SPATA17: variants seen among roughly 807,000 people sequenced by gnomAD.
SPATA17 encodes the protein spermatogenesis associated 17.
A neutral mutation model predicts 62.2 loss-of-function variants in SPATA17; 53 were observed. That is an observed-to-expected ratio of 0.85 (90% CI 0.68 to 1.07). The LOEUF (loss-of-function observed/expected upper bound fraction) is 1.07. SPATA17 is among the 50% of genes least tolerant of loss of function. SPATA17 has a pLI of 0.00. For missense variants in SPATA17, 466 were observed against 425.5 expected (o/e 1.10, Z -0.84); for synonymous variants, 146 against 146.8 (o/e 0.99, Z 0.04).
intron 8 of SPATA17, among the ~76,000 whole-genome samples, chr1:217,792,779 G>A (rs1224137215): frequency 6.6e-6 from 1 of 151,786 alleles, no homozygotes; most frequent in African/African-American, 2.4e-5. Context: ...ATCAAATACA[G>A]TTTTTTTTGT....
chr1:217,765,166 T>A (rs1324390057), intron 6 of SPATA17, among the ~76,000 whole-genome samples: 1 of 151,940 alleles, frequency 6.6e-6, no homozygotes, highest in Non-Finnish European at 1.5e-5. Flanking sequence ...TTCCTTTTTT[T>A]TTGTTTGCCT....
intron 6 of SPATA17, among the ~76,000 whole-genome samples, chr1:217,749,567 G>A (rs1348384926): frequency 6.6e-6 from 1 of 151,654 alleles, no homozygotes; most frequent in Non-Finnish European, 1.5e-5. Flanking sequence ...TTCTGTTTTT[G>A]CTATCGTCTT....
intron 5 of SPATA17, among the ~76,000 whole-genome samples, chr1:217,726,419 T>A (rs1384771071): frequency 1.3e-5 from 2 of 152,206 alleles, no homozygotes; most frequent in African/African-American, 4.8e-5. Flanking sequence ...AAAGGGAAAT[T>A]GCTTGGCTGC....
intron 6 of SPATA17, 68 bp downstream of exon 6, chr1:217,742,166 G>T: frequency 6.4e-7 from 1 of 1,569,790 alleles, no homozygotes; most frequent in Non-Finnish European, 8.7e-7. Context: ...AGATAAACTA[G>T]CAGGCTGAAT....
At chr1:217,726,757 A>C (rs963101027) in intron 5 of SPATA17, among the ~76,000 whole-genome samples, 2 of 151,044 alleles carry the variant, frequency 1.3e-5, no homozygotes, top group Non-Finnish European at 2.9e-5. Flanking sequence ...AAAGGGTTAT[A>C]GGCAAAAGAG....
intron 5 of SPATA17, among the ~76,000 whole-genome samples, chr1:217,710,264 T>A (rs1175337089): frequency 6.6e-6 from 1 of 152,142 alleles, no homozygotes; most frequent in Non-Finnish European, 1.5e-5. Flanking sequence ...TTGTAACCTC[T>A]AGACTGATAT....
intron 9 of SPATA17, among the ~76,000 whole-genome samples, chr1:217,858,887 G>C (rs1474685165): frequency 6.6e-6 from 1 of 151,836 alleles, no homozygotes; most frequent in African/African-American, 2.4e-5. Context: ...AATTAGCCAG[G>C]CGTGGTGATG....
intron 6 of SPATA17, among the ~76,000 whole-genome samples, chr1:217,770,024 A>T (rs1034776224): frequency 1.3e-5 from 2 of 152,210 alleles, no homozygotes; most frequent in Non-Finnish European, 2.9e-5. Context: ...GATGAAGTAC[A>T]TTGGTCAGTG....
intron 7 of SPATA17, among the ~76,000 whole-genome samples, chr1:217,779,027 G>T (rs1036614501): frequency 6.6e-6 from 1 of 151,832 alleles, no homozygotes; most frequent in African/African-American, 2.4e-5. Context: ...ATGTATGGAT[G>T]ATGTATAGGT....
intron 8 of SPATA17, among the ~76,000 whole-genome samples, chr1:217,798,638 C>T (rs7532704): frequency 0.42 from 63,511 of 152,004 alleles, 13,583 homozygotes; most frequent in East Asian, 0.62. Context: ...CAGTCTTAAT[C>T]AGCCTTTGTA....
At chr1:217,820,417 A>C (rs1310385068) in intron 9 of SPATA17, among the ~76,000 whole-genome samples, 3 of 151,976 alleles carry the variant, frequency 2.0e-5, no homozygotes, top group Non-Finnish European at 4.4e-5. Context: ...ATGGCAGTGG[A>C]TTTGGAGAGA....
chr1:217,804,046 GA>G (rs1236889941), intron 9 of SPATA17, among the ~76,000 whole-genome samples: 2 of 151,272 alleles, frequency 1.3e-5, no homozygotes, highest in Non-Finnish European at 2.9e-5. Flanking sequence ...AAGAAGAAAA[GA>G]AAAAACAATC....
At chr1:217,632,429 A>G (rs1669820180) in intron 1 of SPATA17, among the ~76,000 whole-genome samples, 1 of 152,206 alleles carries the variant, frequency 6.6e-6, no homozygotes, top group African/African-American at 2.4e-5. Flanking sequence ...ATTATGGAAT[A>G]CAGTGACATG....
chr1:217,765,032 T>G (rs1201086656), intron 6 of SPATA17, among the ~76,000 whole-genome samples: 1 of 152,154 alleles, frequency 6.6e-6, no homozygotes, highest in African/African-American at 2.4e-5. Context: ...CCATTTCTTC[T>G]AGGTTATCAA....
At chr1:217,833,379 C>T (rs1273893311) in intron 9 of SPATA17, among the ~76,000 whole-genome samples, 1 of 152,140 alleles carries the variant, frequency 6.6e-6, no homozygotes, top group East Asian at 1.9e-4. Context: ...TGATTCTCTA[C>T]AGTGTAATTA....
intron 5 of SPATA17, among the ~76,000 whole-genome samples, chr1:217,705,068 AT>A (rs1378621385): frequency 6.6e-6 from 1 of 152,086 alleles, no homozygotes; most frequent in Non-Finnish European, 1.5e-5. Flanking sequence ...AACATCTGTT[AT>A]TTTTTGACTT....
At chr1:217,663,214 G>A (rs1670609313) in intron 3 of SPATA17, among the ~76,000 whole-genome samples, 3 of 152,186 alleles carry the variant, frequency 2.0e-5, no homozygotes, top group South Asian at 2.1e-4. Flanking sequence ...GGAGGCCAGC[G>A]CAGGCAGATC....
intron 8 of SPATA17, among the ~76,000 whole-genome samples, chr1:217,787,631 CTA>C (rs1673901659): frequency 6.6e-6 from 1 of 152,152 alleles, no homozygotes; most frequent in African/African-American, 2.4e-5. Flanking sequence ...ACCTTAAACA[CTA>C]TTAACTGATC....
intron 9 of SPATA17, among the ~76,000 whole-genome samples, chr1:217,831,579 TA>T (rs546520508): frequency 3.2e-4 from 48 of 152,304 alleles, no homozygotes; most frequent in African/African-American, 1.1e-3. Context: ...AATCCCTTTA[TA>T]AAAAGGCCTA....
Sources: gnomAD v4.1 joint callset for allele counts (sites outside exome capture counted in the v4.1 genomes callset) on GRCh38, gnomAD v4.1.1 for gene constraint, MANE v1.5 for transcripts, NCBI Gene and HGNC (gene_info 2026-07-23, HGNC 2026-07-21) for gene names.